Variants in AP1G1 observed in about 807,000 individuals in gnomAD.
AP1G1 encodes adaptor related protein complex 1 subunit gamma 1.
Under a neutral mutation model 108.3 loss-of-function variants are expected in AP1G1, and 7 were observed. The ratio of observed to expected loss-of-function variants is 0.06; its 90% CI spans 0.04 to 0.12. AP1G1 has a LOEUF of 0.12. AP1G1 is among the 10% of genes least tolerant of loss of function. The probability of loss-of-function intolerance (pLI) is 1.00; values close to 1 mark genes in which losing one functional copy is unlikely to be tolerated. For missense variants in AP1G1, 756 were observed against 1,010.7 expected, an observed-to-expected ratio of 0.75 and a Z score of 3.42; for synonymous variants, 379 against 353.5, an observed-to-expected ratio of 1.07 and a Z score of -0.81.
chr16:71,785,352 G>C (rs944715670), intron 2 of AP1G1, among the ~76,000 whole-genome samples: 1 of 150,190 alleles, frequency 6.7e-6, no homozygotes, highest in African/African-American at 2.5e-5. Flanking sequence ...CAAGACGGTG[G>C]ATCATTTGAG....
intron 2 of AP1G1, among the ~76,000 whole-genome samples, chr16:71,779,916 C>G (rs1188047285): frequency 6.6e-6 from 1 of 151,404 alleles, no homozygotes; most frequent in Non-Finnish European, 1.5e-5. Context: ...CCCAGGAGCT[C>G]GAGACAAGTC....
intron 3 of AP1G1, 116 bp downstream of exon 3, chr16:71,774,352 C>T (rs1250660345): frequency 1.8e-6 from 2 of 1,125,842 alleles, no homozygotes; most frequent in African/African-American, 1.7e-5. Flanking sequence ...TGCAGTGAGT[C>T]AAGATCACGC....
intron 1 of AP1G1, among the ~76,000 whole-genome samples, chr16:71,797,713 C>T (rs865882902): frequency 6.6e-6 from 1 of 152,030 alleles, no homozygotes; most frequent in Non-Finnish European, 1.5e-5. Context: ...GCAGGAGAAT[C>T]GCTTGAACCC....
intron 1 of AP1G1, among the ~76,000 whole-genome samples, chr16:71,794,835 C>CTTTTTTTTTTTTTTTTTTTTTTTTT (rs55761928): frequency 1.0e-4 from 4 of 39,632 alleles, no homozygotes; most frequent in Admixed American, 4.5e-4. Flanking sequence ...ATGAGAAGTG[C>CTTTTTTTTTTTTTTTTTTTTTTTTT]TTTTTTTTTT....
At chr16:71,777,278 G>A (rs911733808) in intron 2 of AP1G1, among the ~76,000 whole-genome samples, 2 of 151,370 alleles carry the variant, frequency 1.3e-5, no homozygotes, top group Non-Finnish European at 2.9e-5. Flanking sequence ...GAGGCTAGGG[G>A]ATGCAGAGGT....
At chr16:71,773,028 A>G (rs756974625) in intron 4 of AP1G1, 193 bp downstream of exon 4, 1 of 717,304 alleles carries the variant, frequency 1.4e-6, no homozygotes, top group Non-Finnish European at 2.4e-6. Flanking sequence ...ATATCCAGTA[A>G]CATTTGTTTG....
rs1402191309 is a variant in AP1G1, at chr16:71,731,655, G to A, written c.*1403C>T. The A allele has an allele frequency of 6.6e-6, 1 of 152,494 alleles. No homozygotes were observed. Among genetic ancestry groups the A allele is most frequent in the African/African-American group, 2.4e-5 (1 of 41,416 alleles). The allele number at this position is 152,494 out of a possible 1,614,324, so 9.4% of individuals were successfully genotyped here. A position where few individuals can be genotyped will look rare whatever the true frequency, so the allele number is the denominator to read the frequency against. On this transcript the variant is annotated 3_prime_UTR_variant, in exon 23 of 23. Coordinates refer to ENST00000299980, the MANE Select transcript of AP1G1 (RefSeq NM_001128.6). ...TTCCAGCAACTCAATTTCAAAGTTT[G>A]ATAACATATGGGTCCTTTCTAAAAA...
rs775957528 is a variant in AP1G1 at position 71,773,337 on chromosome 16, C to T, written c.352G>A (p.Val118Ile). 1.3e-5 allele frequency: 20 copies of T among 1,556,884 alleles called. No individual in the cohort carries two copies. Among genetic ancestry groups the T allele is most frequent in the South Asian group, 1.1e-4 (9 of 81,404 alleles). Reference sequence around the variant, plus strand: ...AGGGTACAAAGTGCTAACCCCTGTACGAATTGCGTGCTATGATTAAGATCA... The same window carrying T: ...AGGGTACAAAGTGCTAACCCCTGTATGAATTGCGTGCTATGATTAAGATCA... ...KNDLNHSTQF[V>I]QGLALCTLGC... Residue 118 changes from valine to isoleucine, a missense_variant, in exon 4 of 23, where the codon GTA becomes ATA. Coordinates refer to ENST00000299980, the MANE Select transcript of AP1G1 (RefSeq NM_001128.6).
At chr16:71,738,449 G>C (rs1290776560) in intron 21 of AP1G1, among the ~76,000 whole-genome samples, 1 of 152,100 alleles carries the variant, frequency 6.6e-6, no homozygotes, top group Non-Finnish European at 1.5e-5. Flanking sequence ...AACAGTTACT[G>C]TATCTATAAT....
chr16:71,765,668 G>A (rs1362879994), intron 6 of AP1G1, 84 bp from the exon 7 acceptor site: 1 of 1,070,204 alleles, frequency 9.3e-7, no homozygotes. Flanking sequence ...TTAGAAAAAG[G>A]GTGTAAGGGT....
intron 15 of AP1G1, among the ~76,000 whole-genome samples, chr16:71,748,691 C>T (rs980340696): frequency 1.3e-5 from 2 of 152,134 alleles, no homozygotes; most frequent in Non-Finnish European, 2.9e-5. Flanking sequence ...GAAAAACATA[C>T]AGAGTTCAAG....
intron 7 of AP1G1, 58 bp downstream of exon 7, chr16:71,765,431 T>C (rs2031273470): frequency 1.6e-6 from 2 of 1,249,716 alleles, no homozygotes; most frequent in Non-Finnish European, 1.1e-6. Flanking sequence ...AAGGAAATTG[T>C]CTACTTAAAG....
chr16:71,755,200 C>A (rs533428048), intron 12 of AP1G1, among the ~76,000 whole-genome samples: 2 of 151,798 alleles, frequency 1.3e-5, no homozygotes, highest in African/African-American at 2.4e-5. Flanking sequence ...CTGAGGCAGG[C>A]GAATCGCTTG....
At chr16:71,753,926 A>G (rs975229066) in intron 12 of AP1G1, 39 bp from the exon 13 acceptor site, 3 of 1,586,522 alleles carry the variant, frequency 1.9e-6, no homozygotes, top group Non-Finnish European at 2.6e-6. Context: ...GGAACCAGTA[A>G]AATATACCGT....
chr16:71,793,853 G>A (rs1052405212), intron 1 of AP1G1, among the ~76,000 whole-genome samples: 23 of 152,092 alleles, frequency 1.5e-4, no homozygotes, highest in Non-Finnish European at 2.8e-4. Context: ...GGGACTACAG[G>A]CGCAAGCCAC....
At chr16:71,740,845 A>G (rs181478244) in intron 19 of AP1G1, among the ~76,000 whole-genome samples, 2 of 152,326 alleles carry the variant, frequency 1.3e-5, no homozygotes, top group East Asian at 3.9e-4. Flanking sequence ...AAGAACATCA[A>G]CCCTCTTAAT....
At chr16:71,806,274 A>T (rs1038976354) in intron 1 of AP1G1, among the ~76,000 whole-genome samples, 10 of 152,232 alleles carry the variant, frequency 6.6e-5, no homozygotes, top group African/African-American at 2.4e-4. Context: ...AGGTTTCCTA[A>T]ACGCAAAGCA....
At chr16:71,774,637 C>T (rs1567655249) in intron 2 of AP1G1, 45 bp from the exon 3 acceptor site, 3 of 1,535,696 alleles carry the variant, frequency 2.0e-6, no homozygotes, top group Non-Finnish European at 2.6e-6. Flanking sequence ...AAACTTGCTA[C>T]CACAATCTAG....
intron 1 of AP1G1, chr16:71,808,080 C>A (rs1453319198): frequency 3.4e-6 from 4 of 1,170,938 alleles, no homozygotes; most frequent in Non-Finnish European, 2.1e-6. Context: ...TCAACCGAAC[C>A]GTCCCGACTC....
Sources: allele counts gnomAD v4.1 joint callset (sites outside exome capture counted in the v4.1 genomes callset), GRCh38; gene constraint gnomAD v4.1.1; transcripts MANE v1.5; gene names NCBI Gene and HGNC (gene_info 2026-07-23, HGNC 2026-07-21).